The following TET2 variants were observed in gnomAD, a reference collection of about 807,000 sequenced individuals.
TET2 encodes methylcytosine dioxygenase TET2.
In TET2, 299 loss-of-function variants were observed where a neutral mutation model predicts 142.9. The observed-to-expected ratio is 2.09, with a 90% CI of 1.90 to 2.30. The LOEUF (loss-of-function observed/expected upper bound fraction) is 2.30, where lower values mean the gene tolerates loss of function less well. Among genes scored for constraint, TET2 ranks in the 30% most tolerant of loss-of-function variants. The pLI, the probability that TET2 is intolerant of heterozygous loss-of-function variation, is 0.00. For synonymous variants in TET2, 819 were observed against 849.0 expected (o/e 0.96, Z 0.61); for missense variants, 2,418 against 2,378.0 (o/e 1.02, Z -0.35).
At chr4:105,217,048 T>C (rs1727535629) in intron 2 of TET2, among the ~76,000 whole-genome samples, 1 of 152,054 alleles carries the variant, frequency 6.6e-6, no homozygotes, top group Admixed American at 6.6e-5. Context: ...TTGTGTGTTC[T>C]TTCTTTGTTC....
In TET2 at chr4:105,275,679, T is replaced by C; in HGVS notation, c.5169T>C (p.Pro1723=). ...PNVHHVGKLP[P]YPTHEMDGHF... ...TACATCATGTAGGGAAATTGCCTCC[T>C]TATCCCACTCATGAGATGGATGGCC... Residue 1723 remains proline, a synonymous_variant, in exon 11 of 11, where the codon CCT becomes CCC. Coordinates refer to ENST00000380013, the MANE Select transcript of TET2 (RefSeq NM_001127208.3). The C allele has an allele frequency of 6.4e-7, 1 of 1,551,872 alleles. No homozygotes were observed. The highest frequency in any genetic ancestry group is 8.7e-7 in the Non-Finnish European group (1 of 1,147,002).
At chr4:105,195,688 AT>A (rs34431959) in intron 2 of TET2, among the ~76,000 whole-genome samples, 8,542 of 152,202 alleles carry the variant, frequency 0.056, 662 homozygotes, top group African/African-American at 0.17. Context: ...TAATCTGTAC[AT>A]GTTCATTACA....
At chr4:105,193,776 A>G (rs543294726) in intron 2 of TET2, among the ~76,000 whole-genome samples, 12 of 152,328 alleles carry the variant, frequency 7.9e-5, no homozygotes, top group Admixed American at 3.3e-4. Context: ...AGTTAAGACA[A>G]TCAGATGCAG....
chr4:105,209,049 GTATATATATA>G (rs36045001), intron 2 of TET2, among the ~76,000 whole-genome samples: 1,158 of 44,162 alleles, frequency 0.026, 32 homozygotes, highest in South Asian at 0.063. Flanking sequence ...TCAAGGCATG[GTATATATATA>G]TATATATATA....
intron 1 of TET2, among the ~76,000 whole-genome samples, chr4:105,189,908 A>T (rs1725684546): frequency 6.6e-6 from 1 of 152,196 alleles, no homozygotes; most frequent in Non-Finnish European, 1.5e-5. Flanking sequence ...CTCATGAAGT[A>T]CAGGGACTTA....
intron 2 of TET2, among the ~76,000 whole-genome samples, chr4:105,199,920 GT>G (rs34853642): frequency 2.0e-5 from 3 of 151,606 alleles, no homozygotes; most frequent in East Asian, 1.9e-4. Context: ...ATATAACACA[GT>G]TTTTTTTTAT....
At chr4:105,198,397 A>G (rs910892817) in intron 2 of TET2, among the ~76,000 whole-genome samples, 1 of 152,206 alleles carries the variant, frequency 6.6e-6, no homozygotes, top group Non-Finnish European at 1.5e-5. Flanking sequence ...CGAAGGTGTC[A>G]TTGTCCTATG....
rs914476294 is a variant in TET2 at position 105,261,953 on chromosome 4, C to T, written c.4044+105C>T. On this transcript the variant is annotated intron_variant, in intron 8 of 10. Transcript: ENST00000380013. ...CAATGATTTTTAAATATTATTCTAA[C>T]TTTTCCTCTTAATTGTTGAAACCAC... 7.0e-6 allele frequency: 5 copies of T among 716,002 alleles called. No homozygotes were observed. In the Admixed American group the frequency reaches 1.2e-4, roughly 17 times the overall value. The allele number at this position is 716,002 out of a possible 1,614,324, so 44.4% of individuals were successfully genotyped here.
rs1438785580 is a variant in TET2 at position 105,242,896 on chromosome 4, A to G, written c.3563A>G (p.Lys1188Arg). Residue 1188 changes from lysine (K) to arginine (R), a missense_variant, in exon 5 of 11, where the codon AAA (lysine) becomes AGA (arginine). Lys to Arg is a conservative substitution (Grantham distance 26, BLOSUM62 2). Transcript: ENST00000380013. ...ERVIYTGKEG[K>R]SSQGCPIAKW... is the part of the protein sequence containing the mutation. ...GTCATCTATACTGGTAAAGAAGGCA[A>G]AAGTTCTCAGGGATGTCCTATTGCT... 2 of 1,551,554 alleles carry G rather than the reference A, an allele frequency of 1.3e-6. No individual in the cohort carries two copies. The highest frequency in any genetic ancestry group is 1.7e-6 in the Non-Finnish European group (2 of 1,146,940).
intron 1 of TET2, among the ~76,000 whole-genome samples, chr4:105,186,367 T>G (rs1578580715): frequency 6.6e-6 from 1 of 152,090 alleles, no homozygotes; most frequent in Non-Finnish European, 1.5e-5. Context: ...AGCACTACCC[T>G]TCATATGTTT....
At chr4:105,263,988 TATTAA>T (rs1442287453) in intron 8 of TET2, among the ~76,000 whole-genome samples, 1 of 152,086 alleles carries the variant, frequency 6.6e-6, no homozygotes, top group East Asian at 1.9e-4. Flanking sequence ...TACTTGATAA[TATTAA>T]AGACTCTCGT....
intron 2 of TET2, among the ~76,000 whole-genome samples, chr4:105,212,860 C>T (rs7696337): frequency 0.088 from 13,412 of 151,928 alleles, 1,726 homozygotes; most frequent in African/African-American, 0.28. Flanking sequence ...CATGGTGGCA[C>T]GTGCCTGTAG....
In TET2 at chr4:105,276,478, G is replaced by A; in HGVS notation, c.5968G>A (p.Ala1990Thr). The change falls in exon 11 of 11, where the codon GCC becomes ACC. Residue 1990 changes from alanine to threonine, a missense_variant. Coordinates refer to ENST00000380013, the MANE Select transcript of TET2 (RefSeq NM_001127208.3). ...CTCCACAGTAACTACATCTCCATAT[G>A]CCTTCACTCGGGTCACAGGGCCTTA... ...TDSTVTTSPY[A>T]FTRVTGPYNR... 1 of 1,551,646 alleles carries A rather than the reference G, an allele frequency of 6.4e-7. No individual in the cohort carries two copies. The highest frequency in any genetic ancestry group is 8.7e-7 in the Non-Finnish European group (1 of 1,146,988).
intron 1 of TET2, among the ~76,000 whole-genome samples, chr4:105,168,984 C>T (rs546538849): frequency 6.6e-6 from 1 of 152,076 alleles, no homozygotes; most frequent in Non-Finnish European, 1.5e-5. Flanking sequence ...AACTACTCAC[C>T]GATTGACGAG....
chr4:105,271,385 C>T (rs1730957681), intron 9 of TET2, among the ~76,000 whole-genome samples: 1 of 152,054 alleles, frequency 6.6e-6, no homozygotes. Context: ...CCTAATATAA[C>T]CATGTTTCAT....
chr4:105,237,519 G>A (rs1250179744), intron 3 of TET2, 168 bp downstream of exon 3: 1 of 1,584,630 alleles, frequency 6.3e-7, no homozygotes, highest in Non-Finnish European at 8.5e-7. Context: ...CGATGCTTGT[G>A]TCTTGTGAAA....
intron 1 of TET2, among the ~76,000 whole-genome samples, chr4:105,171,024 C>A (rs1314950930): frequency 6.6e-6 from 1 of 152,108 alleles, no homozygotes; most frequent in Admixed American, 6.5e-5. Context: ...GAGAAAATAT[C>A]TTTTCTGGAT....
chr4:105,242,910 T>C lies in TET2; in HGVS notation c.3577T>C (p.Cys1193Arg). Reference sequence around the variant, plus strand: ...TAAAGAAGGCAAAAGTTCTCAGGGATGTCCTATTGCTAAGTGGGTAAGTGT... The same window carrying C: ...TAAAGAAGGCAAAAGTTCTCAGGGACGTCCTATTGCTAAGTGGGTAAGTGT... ...TGKEGKSSQG[C>R]PIAKWVVRRS... is the part of the protein sequence containing the mutation. Residue 1193 changes from cysteine (C) to arginine (R), a missense_variant, in exon 5 of 11, where the codon TGT (cysteine) becomes CGT (arginine). Cys to Arg is a radical substitution (Grantham distance 180). Transcript: ENST00000380013. 6.4e-7 allele frequency: 1 copy of C among 1,551,398 alleles called. No homozygotes were observed. Among genetic ancestry groups the C allele is most frequent in the Non-Finnish European group, 8.7e-7 (1 of 1,146,826 alleles).
intron 2 of TET2, chr4:105,202,191 T>A (rs1726524095): frequency 6.6e-6 from 1 of 152,180 alleles, no homozygotes; most frequent in South Asian, 2.1e-4. Context: ...ATTAAGTAGT[T>A]CCCTGAGTTA....
Sources: gnomAD v4.1 joint callset for allele counts (sites outside exome capture counted in the v4.1 genomes callset) on GRCh38, gnomAD v4.1.1 for gene constraint, MANE v1.5 for transcripts, NCBI Gene and HGNC (gene_info 2026-07-23, HGNC 2026-07-21) for gene names.